POLK: variants seen among roughly 807,000 people sequenced by gnomAD.
The protein encoded by POLK is polymerase (DNA directed) kappa.
A neutral mutation model predicts 94.0 loss-of-function variants in POLK; 76 were observed. That is an observed-to-expected ratio of 0.81 (90% CI 0.67 to 0.98). The LOEUF is 0.98. POLK is among the 50% of genes least tolerant of loss of function. The pLI is 0.00. For missense variants in POLK, 954 were observed against 1,010.1 expected (o/e 0.94, Z 0.75); for synonymous variants, 349 against 325.4 (o/e 1.07, Z -0.78).
intron 3 of POLK, among the ~76,000 whole-genome samples, chr5:75,567,127 A>C (rs1051439564): frequency 1.3e-5 from 2 of 152,152 alleles, no homozygotes; most frequent in African/African-American, 4.8e-5. Context: ...AAAAAAGAGA[A>C]TAGCTTGCTG....
At chr5:75,522,284 A>G (rs1372461390) in intron 1 of POLK, among the ~76,000 whole-genome samples, 5 of 152,184 alleles carry the variant, frequency 3.3e-5, no homozygotes, top group African/African-American at 4.8e-5. Context: ...TGTCATAGAT[A>G]TTGAATTCTG....
At chr5:75,552,327 G>A in intron 2 of POLK, 145 bp from the exon 3 acceptor site, 1 of 610,038 alleles carries the variant, frequency 1.6e-6, no homozygotes, top group East Asian at 3.0e-5. Flanking sequence ...AATAATTTTA[G>A]GGTCACCTAG....
intron 1 of POLK, among the ~76,000 whole-genome samples, chr5:75,534,172 A>G (rs1369674392): frequency 6.6e-6 from 1 of 151,924 alleles, no homozygotes; most frequent in Non-Finnish European, 1.5e-5. Flanking sequence ...AGGCTGAGGC[A>G]GGAGAATCAC....
At chr5:75,564,263 C>A (rs77928472) in intron 3 of POLK, among the ~76,000 whole-genome samples, 1 of 141,338 alleles carries the variant, frequency 7.1e-6, no homozygotes, top group Non-Finnish European at 1.5e-5. Flanking sequence ...TTCTTTCTTT[C>A]CTTTCTTTTT....
chr5:75,551,487 C>A (rs1269767478), intron 2 of POLK, among the ~76,000 whole-genome samples: 1 of 151,758 alleles, frequency 6.6e-6, no homozygotes, highest in African/African-American at 2.4e-5. Flanking sequence ...AGACTTATAT[C>A]CAGAATATAC....
intron 1 of POLK, among the ~76,000 whole-genome samples, chr5:75,522,378 A>G (rs1768628958): frequency 1.3e-5 from 2 of 152,100 alleles, no homozygotes; most frequent in African/African-American, 4.8e-5. Context: ...GTTCTGGGCT[A>G]TTACTAGCAA....
chr5:75,585,695 A>T (rs895697806), intron 9 of POLK, among the ~76,000 whole-genome samples: 25 of 152,140 alleles, frequency 1.6e-4, no homozygotes, highest in African/African-American at 5.8e-4. Context: ...TTGTTGTGGG[A>T]TAGTAGGTGA....
At chr5:75,604,432 A>G (rs755551997), downstream of POLK, among the ~76,000 whole-genome samples, 3 of 152,298 alleles carry the variant, frequency 2.0e-5, no homozygotes, top group South Asian at 2.1e-4. Flanking sequence ...GCTGAAATAC[A>G]TTGTCATGAT....
chr5:75,594,128 C>A, intron 12 of POLK, 79 bp downstream of exon 12: 4 of 1,020,848 alleles, frequency 3.9e-6, no homozygotes, highest in Non-Finnish European at 5.8e-6. Context: ...ATACAGGGGG[C>A]CCCCAACTTA....
intron 9 of POLK, among the ~76,000 whole-genome samples, chr5:75,585,532 T>G (rs1215654788): frequency 2.0e-5 from 3 of 151,906 alleles, no homozygotes; most frequent in African/African-American, 7.3e-5. Context: ...AGTGTGAGGG[T>G]TAGCAACCAT....
chr5:75,526,613 G>A (rs546474698), intron 1 of POLK, among the ~76,000 whole-genome samples: 7 of 133,500 alleles, frequency 5.2e-5, no homozygotes, highest in Middle Eastern at 5.3e-3. Flanking sequence ...ACAGAGTCTC[G>A]CTCCGTCGCC....
intron 10 of POLK, among the ~76,000 whole-genome samples, chr5:75,589,685 G>A (rs1772677016): frequency 6.6e-6 from 1 of 152,158 alleles, no homozygotes; most frequent in Non-Finnish European, 1.5e-5. Flanking sequence ...GAGTAGCTGA[G>A]GATAAGGTTA....
intron 12 of POLK, among the ~76,000 whole-genome samples, chr5:75,594,892 C>A (rs1561412257): frequency 6.6e-6 from 1 of 152,116 alleles, no homozygotes; most frequent in African/African-American, 2.4e-5. Flanking sequence ...AGGAGTGGGT[C>A]ACTAGCCATA....
chr5:75,590,126 G>A (rs1772701441), intron 10 of POLK, among the ~76,000 whole-genome samples: 1 of 152,220 alleles, frequency 6.6e-6, no homozygotes, highest in Non-Finnish European at 1.5e-5. Flanking sequence ...GCATAAAATT[G>A]TTTCTTTGCT....
chr5:75,513,481 T>G (rs549503513), intron 1 of POLK, among the ~76,000 whole-genome samples: 1 of 152,284 alleles, frequency 6.6e-6, no homozygotes, highest in East Asian at 1.9e-4. Context: ...ATATGTCAGA[T>G]CTCATAAAAA....
At chr5:75,583,417 G>T in exon 8 of POLK, 1 of 1,587,588 alleles carries the variant, frequency 6.3e-7, no homozygotes, top group Non-Finnish European at 8.6e-7. Context: ...CCATTAGAAA[G>T]GTAAGATTTT....
chr5:75,609,812 T>C, the POLK span: 3 of 152,224 alleles, frequency 2.0e-5, no homozygotes, highest in Admixed American at 6.5e-5. Context: ...GTCATGTTTG[T>C]TTTTTCATTG....
intron 3 of POLK, among the ~76,000 whole-genome samples, chr5:75,563,859 A>G (rs1477831792): frequency 2.0e-5 from 3 of 152,176 alleles, no homozygotes; most frequent in African/African-American, 4.8e-5. Context: ...GCTGAGAAGA[A>G]TGTATATCCT....
At chr5:75,527,977 A>G (rs1175412902) in intron 1 of POLK, among the ~76,000 whole-genome samples, 1 of 152,192 alleles carries the variant, frequency 6.6e-6, no homozygotes, top group East Asian at 1.9e-4. Context: ...ATTAAAAATG[A>G]TATTAGAATA....
Sources: allele counts gnomAD v4.1 joint callset (sites outside exome capture counted in the v4.1 genomes callset), GRCh38; gene constraint gnomAD v4.1.1; transcripts MANE v1.5; gene names NCBI Gene and HGNC (gene_info 2026-07-23, HGNC 2026-07-21).